Variants in ME2 observed in about 807,000 individuals in gnomAD.
ME2 encodes NAD-dependent malic enzyme, mitochondrial.
Under a neutral mutation model 73.7 loss-of-function variants are expected in ME2, and 60 were observed. The ratio of observed to expected loss-of-function variants is 0.81; its 90% CI spans 0.66 to 1.01. The LOEUF (loss-of-function observed/expected upper bound fraction) is 1.01, where lower values mean the gene tolerates loss of function less well. Among genes scored for constraint, ME2 ranks in the 50% least tolerant of loss-of-function variants. ME2 has a pLI of 0.00. For missense variants in ME2, 594 were observed against 705.5 expected (o/e 0.84, Z 1.79); for synonymous variants, 199 against 236.9 (o/e 0.84, Z 1.47).
rs1232434720 is a variant in ME2 at position 50,950,298 on chromosome 18, C to T, written c.*3114C>T. The T allele has an allele frequency of 6.6e-6, 1 of 152,094 alleles. No homozygotes were observed. The highest frequency in any genetic ancestry group is 1.5e-5 in the Non-Finnish European group (1 of 68,032). The allele number at this position is 152,094 out of a possible 1,614,324, so 9.4% of individuals were successfully genotyped here. ...ATGCAGGTGCCTTTGCTCCTCCTCC[C>T]TCCAGGCCCCCGGGGGCAGAGCCCT... On this transcript the variant is annotated 3_prime_UTR_variant, in exon 16 of 16. Transcript: ENST00000321341.
At chr18:50,899,558 A>G (rs772616642) in intron 2 of ME2, among the ~76,000 whole-genome samples, 2 of 152,192 alleles carry the variant, frequency 1.3e-5, no homozygotes, top group African/African-American at 2.4e-5. Context: ...TGGAGGTTGC[A>G]GTGAGATCGT....
chr18:50,925,091 A>T (rs1917517660), intron 11 of ME2, among the ~76,000 whole-genome samples: 1 of 152,000 alleles, frequency 6.6e-6, no homozygotes, highest in Non-Finnish European at 1.5e-5. Context: ...TCTCTTTGTG[A>T]CTGGCTAATT....
chr18:50,883,999 A>G (rs988479430), intron 1 of ME2, among the ~76,000 whole-genome samples: 3 of 152,166 alleles, frequency 2.0e-5, no homozygotes, highest in Non-Finnish European at 4.4e-5. Flanking sequence ...TTTGTGTAAC[A>G]TAAGGAGTTA....
In ME2 at chr18:50,939,606, A is replaced by G; in HGVS notation, c.1454A>G (p.His485Arg). ...ALAVILCNTR[H>R]ISDSVFLEAA... is the part of the protein sequence containing the mutation. Reference sequence around the variant, plus strand: ...GCTGTTATTCTCTGTAACACCCGGCATATTAGTGACAGTGTTTTCCTAGAA... The same window carrying G: ...GCTGTTATTCTCTGTAACACCCGGCGTATTAGTGACAGTGTTTTCCTAGAA... The change falls in exon 14 of 16, where the codon CAT becomes CGT. Residue 485 changes from histidine to arginine, a missense_variant. Physicochemically the swap from His to Arg is conservative, Grantham distance 29. Coordinates refer to ENST00000321341, the MANE Select transcript of ME2 (RefSeq NM_002396.5). The G allele has an allele frequency of 6.2e-7, 1 of 1,612,778 alleles. No individual in the cohort carries two copies. Among genetic ancestry groups the G allele is most frequent in the Non-Finnish European group, 8.5e-7 (1 of 1,178,894 alleles).
chr18:50,894,597 AC>A (rs1916690516), intron 1 of ME2, among the ~76,000 whole-genome samples: 1 of 125,780 alleles, frequency 8.0e-6, no homozygotes, highest in Non-Finnish European at 1.7e-5. Context: ...TTGGCCGGGA[AC>A]GGTGGCTCAC....
chr18:50,916,405 T>C, intron 5 of ME2, 162 bp downstream of exon 5: 1 of 517,328 alleles, frequency 1.9e-6, no homozygotes, highest in Non-Finnish European at 3.4e-6. Context: ...TAGTAGTAGT[T>C]ATAAAATGGG....
chr18:50,921,789 C>A (rs540117184), intron 10 of ME2, among the ~76,000 whole-genome samples: 1 of 152,146 alleles, frequency 6.6e-6, no homozygotes, highest in Non-Finnish European at 1.5e-5. Flanking sequence ...ATCTGTGGAC[C>A]CTATCCCCAG....
rs527622338 is a variant in ME2, at chr18:50,901,393, A to G, written c.108+5465A>G. On this transcript the variant is annotated intron_variant, in intron 2 of 15. Coordinates refer to ENST00000321341, the MANE Select transcript of ME2 (RefSeq NM_002396.5). ...TTCTGTTACTCTCAGGATATGTCTT[A>G]TATTAGATTGTACAAGGCTTAAAGA... Among the ~76,000 whole-genome samples the G allele has an allele frequency of 2.6e-5, 4 of 152,326 alleles. 1 individual carries two copies. In the South Asian group the frequency reaches 6.2e-4, roughly 24 times the overall value.
chr18:50,887,159 A>G (rs1254851987), intron 1 of ME2, among the ~76,000 whole-genome samples: 2 of 152,170 alleles, frequency 1.3e-5, no homozygotes, highest in Non-Finnish European at 2.9e-5. Flanking sequence ...TAAGTATAAT[A>G]TATGTTTAAA....
intron 2 of ME2, among the ~76,000 whole-genome samples, chr18:50,906,064 G>A (rs1387615196): frequency 2.0e-5 from 3 of 151,998 alleles, no homozygotes; most frequent in Non-Finnish European, 2.9e-5. Context: ...AATTTGGTGG[G>A]ACATTATTCT....
chr18:50,940,360 G>A lies in ME2; in HGVS notation c.1561G>A (p.Glu521Lys). Reference sequence around the variant, plus strand: ...TTACCCACCGCTTGCTAATATTCAGGAAGTTTCTATTAACATTGCTATTAA... The same window carrying A: ...TTACCCACCGCTTGCTAATATTCAGAAAGTTTCTATTAACATTGCTATTAA... Reference protein sequence around the residue: ...RLYPPLANIQEVSINIAIKVT... With the variant: ...RLYPPLANIQKVSINIAIKVT... Residue 521 changes from glutamate (E) to lysine (K), a missense_variant, in exon 15 of 16, where the codon GAA (glutamate) becomes AAA (lysine). Transcript: ENST00000321341. 1 of 1,607,780 alleles carries A rather than the reference G, an allele frequency of 6.2e-7. No individual in the cohort carries two copies. Among genetic ancestry groups the A allele is most frequent in the Non-Finnish European group, 8.5e-7 (1 of 1,177,620 alleles).
At chr18:50,946,210 C>T (rs919595371) in intron 15 of ME2, among the ~76,000 whole-genome samples, 2 of 152,090 alleles carry the variant, frequency 1.3e-5, no homozygotes, top group Admixed American at 6.5e-5. Flanking sequence ...TTTCACATTC[C>T]TCATTTTATA....
intron 15 of ME2, among the ~76,000 whole-genome samples, chr18:50,944,540 C>A (rs1918038984): frequency 6.6e-6 from 1 of 152,218 alleles, no homozygotes; most frequent in African/African-American, 2.4e-5. Context: ...CTTCTGCATG[C>A]CTCCAGGACC....
At chr18:50,935,500 T>A (rs1917794543) in intron 13 of ME2, 1 of 151,752 alleles carries the variant, frequency 6.6e-6, no homozygotes, top group Non-Finnish European at 1.5e-5. Flanking sequence ...CCCAGCACTT[T>A]GCGAGACCAA....
Position 50,947,188 on chromosome 18 carries a change from C to G in ME2, c.*4C>G. On this transcript the variant is annotated 3_prime_UTR_variant, in exon 16 of 16. Coordinates refer to ENST00000321341, the MANE Select transcript of ME2 (RefSeq NM_002396.5). ...CCCTCCTGTGATAACAGAATAGAAG[C>G]ACTCCCCTGATAAATACTTTCTGTG... 2.5e-6 allele frequency: 4 copies of G among 1,611,274 alleles called. No individual in the cohort carries two copies. Among genetic ancestry groups the G allele is most frequent in the Non-Finnish European group, 3.4e-6 (4 of 1,179,330 alleles).
intron 2 of ME2, among the ~76,000 whole-genome samples, chr18:50,899,409 G>C (rs1568161875): frequency 2.6e-5 from 4 of 152,122 alleles, no homozygotes. Context: ...AAGAGTTTGA[G>C]ACCAGCCTGG....
rs1917941588 is a variant in ME2 at position 50,941,147 on chromosome 18, G to A, written c.1587+761G>A. On this transcript the variant is annotated intron_variant, in intron 15 of 15. Transcript: ENST00000321341. ...ATGGTGGTGGGCACCTGTAATCCCA[G>A]CTACTCTGGAGGCTGAGGCAGGAGA... Among the ~76,000 whole-genome samples the A allele has an allele frequency of 2.7e-5, 4 of 150,438 alleles. No individual in the cohort carries two copies. The South Asian group carries it at 8.4e-4, about 32-fold the overall frequency.
At chr18:50,941,544 T>C (rs1026695630) in intron 15 of ME2, among the ~76,000 whole-genome samples, 2 of 150,980 alleles carry the variant, frequency 1.3e-5, no homozygotes, top group African/African-American at 4.9e-5. Context: ...CAGCTAATTT[T>C]TTGTATTTTT....
At chr18:50,935,394 A>G (rs627334) in intron 13 of ME2, 149,169 of 152,104 alleles carry the variant, frequency 0.98, 73,162 homozygotes, top group East Asian at 1. Context: ...AGCCAATCTT[A>G]AAAACTTAAG....
Sources: gnomAD v4.1 joint callset for allele counts (sites outside exome capture counted in the v4.1 genomes callset) on GRCh38, gnomAD v4.1.1 for gene constraint, MANE v1.5 for transcripts, NCBI Gene and HGNC (gene_info 2026-07-23, HGNC 2026-07-21) for gene names.